HINT3: variants seen among roughly 807,000 people sequenced by gnomAD.
HINT3 encodes histidine triad nucleotide binding protein 3.
A neutral mutation model predicts 19.1 loss-of-function variants in HINT3; 16 were observed. The observed-to-expected ratio is 0.84, with a 90% CI of 0.57 to 1.27. The LOEUF is 1.27. HINT3 is among the 50% of genes most tolerant of loss of function. The pLI is 0.00. For synonymous variants in HINT3, 75 were observed against 84.8 expected, an observed-to-expected ratio of 0.88 and a Z score of 0.63; for missense variants, 197 against 225.8, an observed-to-expected ratio of 0.87 and a Z score of 0.82.
intron 2 of HINT3, among the ~76,000 whole-genome samples, chr6:125,968,771 G>A (rs1285628355): frequency 6.6e-6 from 1 of 151,890 alleles, no homozygotes; most frequent in African/African-American, 2.4e-5. Context: ...TTAGTGATGT[G>A]GAGCATTTTT....
rs986545490 is a variant in HINT3 at position 125,977,966 on chromosome 6, T to C, written c.*290T>C. 1 of 237,956 alleles carries C rather than the reference T, an allele frequency of 4.2e-6. No homozygotes were observed. Among genetic ancestry groups the C allele is most frequent in the African/African-American group, 2.2e-5 (1 of 44,696 alleles). The allele number at this position is 237,956 out of a possible 1,614,324, so 14.7% of individuals were successfully genotyped here. A position where few individuals can be genotyped will look rare whatever the true frequency, so the allele number is the denominator to read the frequency against. On this transcript the variant is annotated 3_prime_UTR_variant, in exon 5 of 5. Transcript: ENST00000229633. ...TCTGTTAATCAACAAGGGCTCTGTA[T>C]TTTTTTAAGTTAAAATATTTTCATT...
chr6:125,958,631 G>A (rs1788873797), intron 1 of HINT3, among the ~76,000 whole-genome samples: 1 of 152,180 alleles, frequency 6.6e-6, no homozygotes, highest in South Asian at 2.1e-4. Context: ...GTAAAACAGG[G>A]AGGACTTGAT....
intron 1 of HINT3, among the ~76,000 whole-genome samples, chr6:125,963,964 G>A (rs888906767): frequency 1.3e-5 from 2 of 152,058 alleles, no homozygotes; most frequent in African/African-American, 4.8e-5. Flanking sequence ...GGTAGAGAAG[G>A]GTGTATCAGT....
intron 4 of HINT3, among the ~76,000 whole-genome samples, chr6:125,976,971 A>AC (rs1562216019): frequency 1.3e-5 from 2 of 151,910 alleles, no homozygotes; most frequent in African/African-American, 4.8e-5. Context: ...GTTCCCACGC[A>AC]CCCCCTACCC....
intron 2 of HINT3, among the ~76,000 whole-genome samples, chr6:125,971,512 C>T (rs1015260001): frequency 5.9e-5 from 9 of 152,008 alleles, no homozygotes; most frequent in African/African-American, 2.2e-4. Context: ...TGACTTAAAG[C>T]TACTGAATGT....
chr6:125,974,120 C>A (rs1255919288), intron 3 of HINT3, among the ~76,000 whole-genome samples: 1 of 152,122 alleles, frequency 6.6e-6, no homozygotes, highest in East Asian at 1.9e-4. Flanking sequence ...CTTGAACAGG[C>A]AAATATTTCT....
In HINT3 at chr6:125,974,838, C is replaced by T. The variant is rs750146321; in HGVS notation, c.390-9C>T. 1.1e-5 allele frequency: 18 copies of T among 1,603,964 alleles called. No individual in the cohort carries two copies. The East Asian group carries it at 3.6e-4, about 32-fold the overall frequency. On this transcript the variant is annotated splice_polypyrimidine_tract_variant and intron_variant, in intron 3 of 4. Coordinates refer to ENST00000229633, the MANE Select transcript of HINT3 (RefSeq NM_138571.5). The stretch of plus-strand genomic sequence containing the variant: ...GGTTTGTCAATCATCTCTTTACTTT[C>T]TATTTTAGGATGGGTTTTCATATGC...
Position 125,972,244 on chromosome 6 carries a change from T to A in HINT3, c.320-15T>A. On this transcript the variant is annotated splice_polypyrimidine_tract_variant and intron_variant, in intron 2 of 4. Transcript: ENST00000229633. ...GTCTCCTCTAGTGTAATGTTGTGTC[T>A]TTTCTGTTTTACAGTTGAGAACATG... 6.5e-7 allele frequency: 1 copy of A among 1,543,606 alleles called. No homozygotes were observed. Among genetic ancestry groups the A allele is most frequent in the Non-Finnish European group, 8.8e-7 (1 of 1,135,876 alleles).
chr6:125,974,728 GAC>G (rs745581270), intron 3 of HINT3, 117 bp from the exon 4 acceptor site: 101 of 907,684 alleles, frequency 1.1e-4, no homozygotes, highest in Non-Finnish European at 1.7e-4. Flanking sequence ...TGAGATTTGT[GAC>G]AGTCTATTTA....
intron 4 of HINT3, among the ~76,000 whole-genome samples, chr6:125,975,442 T>C (rs1448648873): frequency 2.6e-5 from 4 of 152,210 alleles, no homozygotes; most frequent in African/African-American, 9.7e-5. Context: ...AAATAGTAAG[T>C]GTCAGGAAAT....
At chr6:125,966,568 A>T (rs192025944) in intron 1 of HINT3, among the ~76,000 whole-genome samples, 5 of 152,290 alleles carry the variant, frequency 3.3e-5, no homozygotes, top group Non-Finnish European at 7.4e-5. Context: ...AAGGTAAAAA[A>T]CTTTAGGGTA....
chr6:125,962,147 C>T (rs1288610122), intron 1 of HINT3, among the ~76,000 whole-genome samples: 1 of 67,624 alleles, frequency 1.5e-5, no homozygotes, highest in Non-Finnish European at 3.5e-5. Flanking sequence ...TGGATGGAAA[C>T]CCATATATAT....
intron 4 of HINT3, among the ~76,000 whole-genome samples, chr6:125,975,203 A>G (rs569093161): frequency 1.2e-4 from 19 of 152,304 alleles, no homozygotes; most frequent in Non-Finnish European, 2.5e-4. Context: ...CAAGTAGCAG[A>G]TACGATATAG....
Position 125,957,076 on chromosome 6 carries a change from A to C in HINT3, c.99A>C (p.Glu33Asp), listed in dbSNP as rs1788845435. The C allele has an allele frequency of 6.4e-7, 1 of 1,550,800 alleles. No homozygotes were observed. Among genetic ancestry groups the C allele is most frequent in the African/African-American group, 1.4e-5 (1 of 73,046 alleles). Residue 33 changes from glutamate (E) to aspartate (D), a missense_variant, in exon 1 of 5, where the codon GAA (glutamate) becomes GAC (aspartate). Glu to Asp is a conservative substitution (Grantham distance 45, BLOSUM62 2). Transcript: ENST00000229633. ...ETTVSSVGTC[E>D]AAGKSPEPKD... ...CGGTTTCCTCAGTGGGGACCTGTGA[A>C]GCCGCTGGCAAGTCACCAGAGCCCA...
rs761113453 is a variant in HINT3, at chr6:125,974,994, A to T, written c.516+21A>T. On this transcript the variant is annotated intron_variant, in intron 4 of 4. Coordinates refer to ENST00000229633, the MANE Select transcript of HINT3 (RefSeq NM_138571.5). Reference sequence around the variant, plus strand: ...TCACAGTGAGTATTCTTGTTATGTCAGCAGCATACAAAAATATTTAAAATA... The same window carrying T: ...TCACAGTGAGTATTCTTGTTATGTCTGCAGCATACAAAAATATTTAAAATA... 6.8e-6 allele frequency: 11 copies of T among 1,606,938 alleles called. No individual in the cohort carries two copies. The South Asian group carries it at 7.8e-5, about 11-fold the overall frequency.
intron 2 of HINT3, among the ~76,000 whole-genome samples, chr6:125,970,968 A>G (rs545977075): frequency 1.5e-4 from 23 of 152,334 alleles, no homozygotes; most frequent in African/African-American, 5.1e-4. Flanking sequence ...CCTGACTTAA[A>G]GAAGTAAACA....
chr6:125,962,881 A>T (rs1788963230), intron 1 of HINT3, among the ~76,000 whole-genome samples: 1 of 152,290 alleles, frequency 6.6e-6, no homozygotes, highest in Admixed American at 6.5e-5. Context: ...ATAAACAGAG[A>T]GTGTAGCTGT....
chr6:125,958,410 G>C (rs1246041090), intron 1 of HINT3, among the ~76,000 whole-genome samples: 1 of 152,160 alleles, frequency 6.6e-6, no homozygotes, highest in Non-Finnish European at 1.5e-5. Context: ...GGGTTGGGAG[G>C]AAGATGTTGC....
At position 125,956,942 on chromosome 6, in the gene HINT3, A is replaced by T; in HGVS notation, c.-36A>T. 6.5e-7 allele frequency: 1 copy of T among 1,541,498 alleles called. No homozygotes were observed. Among genetic ancestry groups the T allele is most frequent in the South Asian group, 1.2e-5 (1 of 83,750 alleles). ...GACTGCGCGGGCCCGGTAGCCCTGG[A>T]GAGGCCGAGGCTCTAGGCCGCGAGG... On this transcript the variant is annotated 5_prime_UTR_variant, in exon 1 of 5. Transcript: ENST00000229633.
Sources: gnomAD v4.1 joint callset for allele counts (sites outside exome capture counted in the v4.1 genomes callset) on GRCh38, gnomAD v4.1.1 for gene constraint, MANE v1.5 for transcripts, NCBI Gene and HGNC (gene_info 2026-07-23, HGNC 2026-07-21) for gene names.